Variants in PAPPA2 observed in about 807,000 individuals in gnomAD.
PAPPA2 encodes pappalysin 2, also known as pappalysin-2.
In PAPPA2, 86 loss-of-function variants were observed where a neutral mutation model predicts 176.4. That is an observed-to-expected ratio of 0.49 (90% confidence interval 0.41 to 0.58). PAPPA2 has a LOEUF of 0.58. Ranked by LOEUF, PAPPA2 falls within the 20% of genes least tolerant of loss-of-function variation. PAPPA2 has a pLI of 0.00. For missense variants in PAPPA2, 2,073 were observed against 2,256.9 expected (o/e 0.92, Z 1.65); for synonymous variants, 809 against 852.2 (o/e 0.95, Z 0.88).
At chr1:176,549,876 T>C (rs1650840934) in intron 1 of PAPPA2, among the ~76,000 whole-genome samples, 1 of 152,220 alleles carries the variant, frequency 6.6e-6, no homozygotes. Context: ...AATCTACATA[T>C]AGCAACCTTT....
chr1:176,500,254 T>C (rs1647879795), intron 1 of PAPPA2, among the ~76,000 whole-genome samples: 1 of 152,048 alleles, frequency 6.6e-6, no homozygotes, highest in Non-Finnish European at 1.5e-5. Flanking sequence ...CAGTTCCATG[T>C]ATTTTATTTC....
chr1:176,823,911 T>A (rs188678753), intron 21 of PAPPA2, among the ~76,000 whole-genome samples: 121 of 151,844 alleles, frequency 8.0e-4, no homozygotes, highest in African/African-American at 2.7e-3. Flanking sequence ...ACCATGGAGG[T>A]CAGGGTGTTA....
intron 1 of PAPPA2, among the ~76,000 whole-genome samples, chr1:176,481,195 C>G (rs1002563609): frequency 6.6e-6 from 1 of 151,762 alleles, no homozygotes; most frequent in African/African-American, 2.4e-5. Context: ...TTAGTTTGCC[C>G]ACTACTTTAG....
intron 2 of PAPPA2, among the ~76,000 whole-genome samples, chr1:176,571,170 G>A (rs1025777439): frequency 5.3e-5 from 8 of 152,126 alleles, no homozygotes; most frequent in Non-Finnish European, 1.2e-4. Context: ...TCTCCAGAAT[G>A]AACCATGTTC....
rs376731589 is a variant in PAPPA2, at chr1:176,515,711, C to CT, written c.-916-39687dup. 5.6e-3 allele frequency among the ~76,000 whole-genome samples: 848 copies of CT among 151,324 alleles called. 8 individuals carry two copies. The highest frequency in any genetic ancestry group is 0.019 in the African/African-American group (789 of 41,262). On this transcript the variant is annotated intron_variant, in intron 1 of 22. Transcript: ENST00000367662. ...TGAGATGCAGTAAGCTTCATTTTGG[C>CT]TTTTTTTTTCACTTGTGCATTTTCC... is the stretch of plus-strand genomic sequence containing the variant.
intron 12 of PAPPA2, among the ~76,000 whole-genome samples, chr1:176,735,397 C>G (rs1235280036): frequency 6.6e-6 from 1 of 152,084 alleles, no homozygotes; most frequent in Non-Finnish European, 1.5e-5. Flanking sequence ...AGAGAAGATT[C>G]TTTTCAAGTT....
At chr1:176,721,082 A>G (rs1661593344) in intron 12 of PAPPA2, among the ~76,000 whole-genome samples, 1 of 152,160 alleles carries the variant, frequency 6.6e-6, no homozygotes, top group Non-Finnish European at 1.5e-5. Context: ...TCCTCCAGAA[A>G]CACCATACAA....
At chr1:176,809,981 T>C (rs1408281154) in intron 21 of PAPPA2, among the ~76,000 whole-genome samples, 1 of 151,526 alleles carries the variant, frequency 6.6e-6, no homozygotes, top group Non-Finnish European at 1.5e-5. Flanking sequence ...TGTGTGTGTG[T>C]GTGTGTGTGT....
chr1:176,744,563 A>G (rs567258980), intron 14 of PAPPA2, among the ~76,000 whole-genome samples: 1 of 152,264 alleles, frequency 6.6e-6, no homozygotes, highest in East Asian at 1.9e-4. Context: ...TAAGACCTCT[A>G]TACTTCCTAA....
At chr1:176,602,904 C>T (rs952741479) in intron 3 of PAPPA2, among the ~76,000 whole-genome samples, 2 of 152,122 alleles carry the variant, frequency 1.3e-5, no homozygotes, top group African/African-American at 4.8e-5. Flanking sequence ...TCCTATAAGC[C>T]AGTTTCTCCA....
Position 176,661,448 on chromosome 1 carries a change from G to A in PAPPA2, c.1992-9522G>A, listed in dbSNP as rs143889547. On this transcript the variant is annotated intron_variant, in intron 3 of 22. Transcript: ENST00000367662. ...GGGAGGTGGGAATTCTGAAGCTTCC[G>A]TTAGAACTGCCAGTTTCAGGGACAT... 7.7e-4 allele frequency among the ~76,000 whole-genome samples: 117 copies of A among 151,344 alleles called. 1 individual carries two copies. The highest frequency in any genetic ancestry group is 2.5e-3 in the African/African-American group (103 of 41,206).
At chr1:176,797,182 A>G (rs758815827) in intron 20 of PAPPA2, among the ~76,000 whole-genome samples, 3 of 152,146 alleles carry the variant, frequency 2.0e-5, no homozygotes, top group Non-Finnish European at 4.4e-5. Context: ...AATAGGGAGG[A>G]AGGAAGTATA....
chr1:176,758,070 G>C (rs1663513163), intron 14 of PAPPA2, among the ~76,000 whole-genome samples: 1 of 152,104 alleles, frequency 6.6e-6, no homozygotes. Context: ...ACTTTCCCAG[G>C]GTAGGAATGG....
intron 1 of PAPPA2, among the ~76,000 whole-genome samples, chr1:176,545,716 A>G (rs1650600550): frequency 6.6e-6 from 1 of 152,210 alleles, no homozygotes; most frequent in African/African-American, 2.4e-5. Flanking sequence ...AAACTGAGGG[A>G]TGACCATGCA....
intron 2 of PAPPA2, among the ~76,000 whole-genome samples, chr1:176,588,484 A>C (rs970434813): frequency 6.6e-6 from 1 of 152,182 alleles, no homozygotes; most frequent in Non-Finnish European, 1.5e-5. Context: ...TCACTGGAAA[A>C]AGACTTATTT....
At chr1:176,711,261 A>G (rs1399366460) in intron 11 of PAPPA2, among the ~76,000 whole-genome samples, 2 of 152,158 alleles carry the variant, frequency 1.3e-5, no homozygotes, top group Non-Finnish European at 2.9e-5. Flanking sequence ...CTCAGCCTAA[A>G]TTCTAGCATC....
chr1:176,632,229 ATGTGTGTGTG>A (rs56939950), intron 3 of PAPPA2, among the ~76,000 whole-genome samples: 1 of 145,428 alleles, frequency 6.9e-6, no homozygotes, highest in Non-Finnish European at 1.5e-5. Flanking sequence ...ATTAGTAGTG[ATGTGTGTGTG>A]TGTGTGTGTG....
intron 1 of PAPPA2, among the ~76,000 whole-genome samples, chr1:176,547,096 T>C (rs1314668515): frequency 1.3e-5 from 2 of 152,226 alleles, no homozygotes; most frequent in Non-Finnish European, 2.9e-5. Flanking sequence ...CCACCCACTA[T>C]ACAATGAAGT....
intron 21 of PAPPA2, among the ~76,000 whole-genome samples, chr1:176,832,133 A>T (rs1378120553): frequency 6.6e-6 from 1 of 152,212 alleles, no homozygotes; most frequent in Non-Finnish European, 1.5e-5. Flanking sequence ...TGCTGCTTTC[A>T]TAAAATTATG....
Sources: gnomAD v4.1 joint callset for allele counts (sites outside exome capture counted in the v4.1 genomes callset) on GRCh38, gnomAD v4.1.1 for gene constraint, MANE v1.5 for transcripts, NCBI Gene and HGNC (gene_info 2026-07-23, HGNC 2026-07-21) for gene names.